The following AXL variants were observed in gnomAD, a reference collection of about 807,000 sequenced individuals.
AXL encodes the protein AXL receptor tyrosine kinase.
In AXL, 52 loss-of-function variants were observed where a neutral mutation model predicts 104.5. The observed-to-expected ratio is 0.50, with a 90% CI of 0.40 to 0.63. The LOEUF (loss-of-function observed/expected upper bound fraction) is 0.63, where lower values mean the gene tolerates loss of function less well. AXL is among the 20% of genes least tolerant of loss of function. AXL has a pLI of 0.00. For missense variants in AXL, 1,024 were observed against 1,188.5 expected (o/e 0.86, Z 2.04); for synonymous variants, 455 against 473.7 (o/e 0.96, Z 0.51).
At chr19:41,252,293 G>A in intron 14 of AXL, 58 bp from the exon 15 acceptor site, 1 of 1,358,644 alleles carries the variant, frequency 7.4e-7, no homozygotes, top group South Asian at 1.2e-5. Context: ...GAGTGGAGGT[G>A]GAGGGAGAGT....
At chr19:41,249,149 C>CA (rs1363115580) in intron 14 of AXL, among the ~76,000 whole-genome samples, 1 of 152,044 alleles carries the variant, frequency 6.6e-6, no homozygotes, top group African/African-American at 2.4e-5. Flanking sequence ...GCTGGTATCA[C>CA]AGAGTTAGAG....
Position 41,259,574 on chromosome 19 carries a change from C to T in AXL, c.2355C>T (p.Cys785=), listed in dbSNP as rs2034502821. The T allele has an allele frequency of 6.2e-7, 1 of 1,609,268 alleles. No individual in the cohort carries two copies. Residue 785 remains cysteine, a synonymous_variant, in exon 20 of 20, where the codon TGC becomes TGT. Transcript: ENST00000301178. ...CTAGGTATGCCTTGATGTCGCGGTG[C>T]TGGGAGCTAAATCCCCAGGACCGGC... is the stretch of plus-strand genomic sequence containing the variant. ...LDGLYALMSR[C]WELNPQDRPS... is the part of the protein sequence containing the mutation.
At chr19:41,256,730 G>A in intron 18 of AXL, 119 bp downstream of exon 18, 1 of 1,372,714 alleles carries the variant, frequency 7.3e-7, no homozygotes, top group Non-Finnish European at 1.0e-6. Context: ...TCCCTTTGCA[G>A]GGGCTTGTCC....
intron 3 of AXL, chr19:41,221,583 C>G: frequency 2.0e-6 from 1 of 498,726 alleles, no homozygotes; most frequent in Admixed American, 3.8e-5. Context: ...CCTGTCCCCA[C>G]GACCCCAGCG....
At chr19:41,256,996 A>G (rs1447144161) in intron 18 of AXL, among the ~76,000 whole-genome samples, 1 of 152,220 alleles carries the variant, frequency 6.6e-6, no homozygotes, top group East Asian at 1.9e-4. Context: ...TGCATCCACA[A>G]AAGTTACTTA....
At chr19:41,243,500 G>A in intron 11 of AXL, 116 bp from the exon 12 acceptor site, 1 of 828,328 alleles carries the variant, frequency 1.2e-6, no homozygotes, top group East Asian at 2.4e-5. Flanking sequence ...CTCAGCAAAT[G>A]TTAGCACAGA....
At chr19:41,257,651 C>T (rs562892060) in intron 19 of AXL, 22 bp downstream of exon 19, 4 of 1,613,706 alleles carry the variant, frequency 2.5e-6, no homozygotes, top group African/African-American at 1.3e-5. Context: ...TAGGTCTCCC[C>T]CAACCCAGAA....
In AXL at chr19:41,236,040, TA is replaced by T. The variant is rs71175698; in HGVS notation, c.784-1895del. On this transcript the variant is annotated intron_variant, in intron 6 of 19. Coordinates refer to ENST00000301178, the MANE Select transcript of AXL (RefSeq NM_021913.5). ...GGTGAAACCCTTTCTCTACACAGAA[TA>T]AAAAAAAAGCCGGGTGTGGTAGCTC... 2.8e-3 allele frequency among the ~76,000 whole-genome samples: 408 copies of T among 147,210 alleles called. 2 individuals carry two copies. Among genetic ancestry groups the T allele is most frequent in the Non-Finnish European group, 5.1e-3 (339 of 66,706 alleles).
At chr19:41,222,521 C>G (rs2033809857) in intron 4 of AXL, among the ~76,000 whole-genome samples, 1 of 152,176 alleles carries the variant, frequency 6.6e-6, no homozygotes, top group Non-Finnish European at 1.5e-5. Flanking sequence ...ACCTCCTGCC[C>G]TAACAAGCCT....
rs10553535 is a variant in AXL at position 41,223,969 on chromosome 19, G to GGT, written c.586+1933_586+1934dup. On this transcript the variant is annotated intron_variant, in intron 4 of 19. Coordinates refer to ENST00000301178, the MANE Select transcript of AXL (RefSeq NM_021913.5). The stretch of plus-strand genomic sequence containing the variant: ...GGACTTCTGTGGATGTCCCATGTGT[G>GGT]GTGTGTGTGTGTGTGTGTGTGACTA... 6.8e-3 allele frequency among the ~76,000 whole-genome samples: 1,021 copies of GGT among 149,768 alleles called. 7 individuals are homozygous for GGT. Among genetic ancestry groups the GGT allele is most frequent in the African/African-American group, 0.012 (480 of 40,866 alleles).
intron 1 of AXL, 32 bp from the exon 2 acceptor site, chr19:41,220,604 T>C: frequency 1.3e-6 from 2 of 1,534,868 alleles, no homozygotes; most frequent in Non-Finnish European, 1.8e-6. Context: ...GCTGGGGGGT[T>C]CCTAAGCTAA....
At chr19:41,246,372 G>C (rs991986818) in intron 12 of AXL, among the ~76,000 whole-genome samples, 1 of 151,912 alleles carries the variant, frequency 6.6e-6, no homozygotes, top group Non-Finnish European at 1.5e-5. Context: ...GCTTGAACCC[G>C]GGAGGCGGAT....
chr19:41,257,743 G>GCTGAGTGACCCACTTGCCCCTCAC, intron 19 of AXL, 114 bp downstream of exon 19: 1 of 1,384,440 alleles, frequency 7.2e-7, no homozygotes, highest in Non-Finnish European at 1.0e-6. Context: ...CCCTGAGAAT[G>GCTGAGTGACCCACTTGCCCCTCAC]CTGAGTGACC....
At chr19:41,252,989 A>G in intron 16 of AXL, 22 bp downstream of exon 16, 1 of 1,613,208 alleles carries the variant, frequency 6.2e-7, no homozygotes, top group Non-Finnish European at 8.5e-7. Flanking sequence ...TTAATCATTC[A>G]GTCTACAAAT....
intron 4 of AXL, among the ~76,000 whole-genome samples, chr19:41,226,098 G>A (rs955821917): frequency 6.6e-6 from 1 of 152,248 alleles, no homozygotes; most frequent in East Asian, 1.9e-4. Flanking sequence ...CTTCACTCAA[G>A]GTGCGGCCGT....
At chr19:41,221,271 G>C in intron 3 of AXL, 25 bp downstream of exon 3, 1 of 1,597,822 alleles carries the variant, frequency 6.3e-7, no homozygotes, top group Non-Finnish European at 8.6e-7. Flanking sequence ...CAGGGGTCCT[G>C]AGGGGTCAGA....
chr19:41,236,780 A>G (rs2034087130), intron 6 of AXL, among the ~76,000 whole-genome samples: 1 of 110,702 alleles, frequency 9.0e-6, no homozygotes, highest in Non-Finnish European at 1.8e-5. Context: ...CCCTCTCCAA[A>G]AAAAGGAAAA....
intron 17 of AXL, among the ~76,000 whole-genome samples, chr19:41,255,650 A>C (rs1424072706): frequency 6.6e-6 from 1 of 151,850 alleles, no homozygotes; most frequent in Non-Finnish European, 1.5e-5. Flanking sequence ...TTTGTTTTCC[A>C]GGCTGGTCTT....
chr19:41,254,076 A>G (rs1476956462), intron 17 of AXL, among the ~76,000 whole-genome samples: 4 of 151,754 alleles, frequency 2.6e-5, no homozygotes, highest in African/African-American at 9.7e-5. Flanking sequence ...CACACTGGAT[A>G]AGAAAATCAA....
Sources: allele counts gnomAD v4.1 joint callset (sites outside exome capture counted in the v4.1 genomes callset), GRCh38; gene constraint gnomAD v4.1.1; transcripts MANE v1.5; gene names NCBI Gene and HGNC (gene_info 2026-07-23, HGNC 2026-07-21).